Variants in PTPRD observed in about 807,000 individuals in gnomAD.
The protein encoded by PTPRD is protein tyrosine phosphatase receptor type D, also known as receptor-type tyrosine-protein phosphatase delta.
A neutral mutation model predicts 214.5 loss-of-function variants in PTPRD; 34 were observed. The observed-to-expected ratio is 0.16, with a 90% CI of 0.12 to 0.21. The LOEUF (loss-of-function observed/expected upper bound fraction) is 0.21, where lower values mean the gene tolerates loss of function less well. PTPRD is among the 10% of genes least tolerant of loss of function. The probability of loss-of-function intolerance (pLI) is 1.00; values close to 1 mark genes in which losing one functional copy is unlikely to be tolerated. For missense variants in PTPRD, 2,545 were observed against 2,398.7 expected, an observed-to-expected ratio of 1.06 and a Z score of -1.27; for synonymous variants, 1,128 against 845.7, an observed-to-expected ratio of 1.33 and a Z score of -5.79.
intron 2 of PTPRD, among the ~76,000 whole-genome samples, chr9:10,433,873 C>A (rs1216427422): frequency 6.6e-6 from 1 of 151,722 alleles, no homozygotes; most frequent in Non-Finnish European, 1.5e-5. Context: ...TTCTTTTAGT[C>A]TCACAATTGA....
At chr9:8,817,489 T>C (rs2096944103) in intron 11 of PTPRD, among the ~76,000 whole-genome samples, 1 of 152,088 alleles carries the variant, frequency 6.6e-6, no homozygotes, top group South Asian at 2.1e-4. Flanking sequence ...TAGCTGGGTA[T>C]AGTAGTGTGC....
At chr9:9,954,218 C>A (rs1452032182) in intron 4 of PTPRD, among the ~76,000 whole-genome samples, 1 of 145,208 alleles carries the variant, frequency 6.9e-6, no homozygotes, top group Non-Finnish European at 1.5e-5. Flanking sequence ...ATCGCTTGAA[C>A]CTGGGAGGAG....
intron 4 of PTPRD, among the ~76,000 whole-genome samples, chr9:10,016,393 A>ACAGATAGATAGG (rs1555471279): frequency 2.0e-5 from 3 of 149,902 alleles, no homozygotes; most frequent in Admixed American, 1.3e-4. Flanking sequence ...AGATAGATAG[A>ACAGATAGATAGG]TAGACAGATA....
chr9:8,991,086 G>A (rs938908329), intron 11 of PTPRD, among the ~76,000 whole-genome samples: 3 of 151,812 alleles, frequency 2.0e-5, no homozygotes, highest in African/African-American at 4.8e-5. Flanking sequence ...AGGCATGTTG[G>A]TGCATGCCTG....
intron 3 of PTPRD, among the ~76,000 whole-genome samples, chr9:10,239,024 G>A (rs2099638148): frequency 6.6e-6 from 1 of 151,852 alleles, no homozygotes; most frequent in Admixed American, 6.6e-5. Context: ...ATCCTATTGG[G>A]CAACAAGGGG....
At chr9:10,483,370 A>T (rs2099112890) in intron 2 of PTPRD, among the ~76,000 whole-genome samples, 1 of 152,136 alleles carries the variant, frequency 6.6e-6, no homozygotes, top group Non-Finnish European at 1.5e-5. Context: ...ATACTGGCCT[A>T]GGCAAATAAT....
At chr9:10,419,632 T>C (rs994528426) in intron 2 of PTPRD, among the ~76,000 whole-genome samples, 1 of 151,838 alleles carries the variant, frequency 6.6e-6, no homozygotes, top group Admixed American at 6.6e-5. Flanking sequence ...TTTCAATAGC[T>C]TTCTTAATTT....
chr9:8,608,945 A>G (rs1008736603), intron 14 of PTPRD, among the ~76,000 whole-genome samples: 2 of 152,174 alleles, frequency 1.3e-5, no homozygotes, highest in African/African-American at 4.8e-5. Flanking sequence ...AGACTCAGAC[A>G]GGACTTCGCA....
chr9:9,333,019 T>A (rs1183864077), intron 9 of PTPRD, among the ~76,000 whole-genome samples: 1 of 152,010 alleles, frequency 6.6e-6, no homozygotes, highest in South Asian at 2.1e-4. Context: ...GATAAGACAC[T>A]GAATCGGTGG....
intron 4 of PTPRD, among the ~76,000 whole-genome samples, chr9:9,947,345 TAATA>T (rs1489152090): frequency 7.9e-5 from 3 of 38,032 alleles, no homozygotes; most frequent in African/African-American, 2.6e-4. Context: ...ATTATATATA[TAATA>T]TATATTATAT....
At chr9:10,518,736 G>T (rs948366733) in intron 2 of PTPRD, among the ~76,000 whole-genome samples, 2 of 151,886 alleles carry the variant, frequency 1.3e-5, no homozygotes, top group African/African-American at 4.8e-5. Flanking sequence ...GTTTTACCGT[G>T]TTAGCCAAGA....
intron 11 of PTPRD, among the ~76,000 whole-genome samples, chr9:8,744,776 T>C (rs2092600092): frequency 6.6e-6 from 1 of 152,228 alleles, no homozygotes; most frequent in Non-Finnish European, 1.5e-5. Flanking sequence ...AAACACCATC[T>C]GTTCCTCAAA....
At chr9:9,701,280 A>G (rs1395416845) in intron 7 of PTPRD, among the ~76,000 whole-genome samples, 1 of 152,198 alleles carries the variant, frequency 6.6e-6, no homozygotes, top group Non-Finnish European at 1.5e-5. Flanking sequence ...TATATCTCAT[A>G]TACAATAAGG....
intron 3 of PTPRD, among the ~76,000 whole-genome samples, chr9:10,120,495 A>G (rs1186932199): frequency 6.6e-6 from 1 of 151,994 alleles, no homozygotes; most frequent in East Asian, 1.9e-4. Flanking sequence ...CTTTCATTGT[A>G]ATTATTACAC....
chr9:10,431,831 G>A (rs527947712), intron 2 of PTPRD, among the ~76,000 whole-genome samples: 1 of 152,074 alleles, frequency 6.6e-6, no homozygotes, highest in Non-Finnish European at 1.5e-5. Flanking sequence ...CTTTTACACT[G>A]TTGGTGGGAC....
intron 12 of PTPRD, among the ~76,000 whole-genome samples, chr9:8,646,069 A>AAG (rs200425619): frequency 0.11 from 17,236 of 152,018 alleles, 1,025 homozygotes; most frequent in East Asian, 0.19. Context: ...AAGAAAAAAA[A>AAG]AAAAAATGAA....
intron 11 of PTPRD, among the ~76,000 whole-genome samples, chr9:8,842,832 T>C (rs974650782): frequency 1.3e-5 from 2 of 152,206 alleles, no homozygotes; most frequent in Admixed American, 6.5e-5. Context: ...GGGGAGACTT[T>C]GACGGTGTTT....
intron 11 of PTPRD, among the ~76,000 whole-genome samples, chr9:9,015,652 A>C (rs780435568): frequency 6.6e-6 from 1 of 152,140 alleles, no homozygotes; most frequent in African/African-American, 2.4e-5. Flanking sequence ...TTCTTGCATG[A>C]GATGCAACAA....
chr9:9,357,228 G>C (rs2054147187), intron 9 of PTPRD, among the ~76,000 whole-genome samples: 1 of 151,348 alleles, frequency 6.6e-6, no homozygotes, highest in Non-Finnish European at 1.5e-5. Context: ...TGGGTGTCTG[G>C]AATAAAGGAT....
Sources: allele counts gnomAD v4.1 joint callset (sites outside exome capture counted in the v4.1 genomes callset), GRCh38; gene constraint gnomAD v4.1.1; transcripts MANE v1.5; gene names NCBI Gene and HGNC (gene_info 2026-07-23, HGNC 2026-07-21).